The following SVIL variants were observed in gnomAD, a reference collection of about 807,000 sequenced individuals.
The protein encoded by SVIL is supervillin, also known as archvillin.
Under a neutral mutation model 240.4 loss-of-function variants are expected in SVIL, and 101 were observed. The observed-to-expected ratio is 0.42, with a 90% CI of 0.36 to 0.50. The LOEUF (loss-of-function observed/expected upper bound fraction) is 0.50. Ranked by LOEUF, SVIL falls within the 20% of genes least tolerant of loss-of-function variation. The pLI is 0.01. For missense variants in SVIL, 2,512 were observed against 2,818.7 expected (o/e 0.89, Z 2.46); for synonymous variants, 999 against 1,100.0 (o/e 0.91, Z 1.82).
At chr10:29,491,729 G>A (rs1947982433) in intron 21 of SVIL, among the ~76,000 whole-genome samples, 1 of 152,094 alleles carries the variant, frequency 6.6e-6, no homozygotes, top group African/African-American at 2.4e-5. Context: ...CCAGCTGCGC[G>A]GGCCTCTGTG....
chr10:29,719,013 CA>C (rs375517048), intron 1 of SVIL, among the ~76,000 whole-genome samples: 2 of 152,286 alleles, frequency 1.3e-5, no homozygotes, highest in East Asian at 3.9e-4. Context: ...GGGAGGCTGG[CA>C]GGAGAATTGC....
intron 3 of SVIL, among the ~76,000 whole-genome samples, chr10:29,653,773 C>G (rs141581745): frequency 6.1e-4 from 93 of 152,150 alleles, no homozygotes; most frequent in African/African-American, 2.1e-3. Flanking sequence ...TACAGTTTCC[C>G]CAGTACAATT....
At chr10:29,620,833 G>A (rs563136663) in intron 1 of SVIL, among the ~76,000 whole-genome samples, 92 of 152,228 alleles carry the variant, frequency 6.0e-4, no homozygotes, top group African/African-American at 2.1e-3. Context: ...TGGCCAGGCC[G>A]GTCTCAAACT....
intron 17 of SVIL, among the ~76,000 whole-genome samples, chr10:29,511,857 T>A (rs1589053904): frequency 6.6e-6 from 1 of 152,228 alleles, no homozygotes; most frequent in East Asian, 1.9e-4. Flanking sequence ...GTACGTTTCT[T>A]AATGCATGAA....
intron 1 of SVIL, among the ~76,000 whole-genome samples, chr10:29,721,788 C>A (rs765824305): frequency 5.9e-5 from 9 of 152,188 alleles, no homozygotes; most frequent in Non-Finnish European, 1.2e-4. Context: ...CTGGGGATCC[C>A]TGCTTTATAC....
chr10:29,531,362 T>C (rs993197915), intron 9 of SVIL, 74 bp from the exon 10 acceptor site: 15 of 1,362,412 alleles, frequency 1.1e-5, no homozygotes, highest in Non-Finnish European at 1.4e-5. Flanking sequence ...AACATCATAC[T>C]GAAAGTAAAA....
intron 1 of SVIL, among the ~76,000 whole-genome samples, chr10:29,612,357 T>C (rs1423729024): frequency 6.6e-6 from 1 of 152,248 alleles, no homozygotes; most frequent in African/African-American, 2.4e-5. Context: ...TCTTGTGTAT[T>C]GGTAGTGACA....
chr10:29,646,683 A>T (rs1958667657), intron 3 of SVIL, among the ~76,000 whole-genome samples: 1 of 152,194 alleles, frequency 6.6e-6, no homozygotes. Flanking sequence ...AAGAAGTATG[A>T]ATCATCATGA....
chr10:29,671,365 G>A (rs1048980283), intron 2 of SVIL, among the ~76,000 whole-genome samples: 4 of 152,132 alleles, frequency 2.6e-5, no homozygotes, highest in African/African-American at 9.7e-5. Context: ...TTTCCCAGGT[G>A]TTTTCCCACC....
Position 29,478,861 on chromosome 10 carries a change from G to C in SVIL, c.5377+1676C>G, listed in dbSNP as rs142498938. On this transcript the variant is annotated intron_variant, in intron 29 of 37. Transcript: ENST00000355867. Reference sequence around the variant, plus strand: ...GATGGCTTGAGCCTGGGAGGTCAAGGCTGCAGTGAGCCGAGATTCTGCCAT... The same window carrying C: ...GATGGCTTGAGCCTGGGAGGTCAAGCCTGCAGTGAGCCGAGATTCTGCCAT... Among the ~76,000 whole-genome samples the C allele has an allele frequency of 4.8e-3, 686 of 144,030 alleles. 5 individuals carry two copies. Among genetic ancestry groups the C allele is most frequent in the African/African-American group, 0.017 (645 of 38,828 alleles). 94.5% of individuals were successfully genotyped at this position (144,030 alleles called of 152,430 possible).
chr10:29,588,312 G>A (rs1230727406), intron 1 of SVIL, among the ~76,000 whole-genome samples: 4 of 149,766 alleles, frequency 2.7e-5, no homozygotes, highest in Middle Eastern at 3.4e-3. Context: ...CCGCTGAAAC[G>A]TGTGCTGGTG....
At position 29,550,444 on chromosome 10, in the gene SVIL, G is replaced by GAAA. The variant is rs55843963; in HGVS notation, c.827+150_827+152dup. Among the ~76,000 whole-genome samples the GAAA allele has an allele frequency of 6.6e-3, 879 of 132,966 alleles. 9 individuals are homozygous for GAAA. The highest frequency in any genetic ancestry group is 0.025 in the Middle Eastern group (6 of 240). The allele number at this position is 132,966 out of a possible 152,430, so 87.2% of individuals were successfully genotyped here. Reference sequence around the variant, plus strand: ...GCAACAGAGTGGGACCCTGTCTTCAGAAAAAAAAAAAAAAGAATCATATAC... The same window carrying GAAA: ...GCAACAGAGTGGGACCCTGTCTTCAGAAAAAAAAAAAAAAAAAGAATCATATAC... On this transcript the variant is annotated intron_variant, in intron 6 of 37. Coordinates refer to ENST00000355867, the MANE Select transcript of SVIL (RefSeq NM_021738.3).
chr10:29,696,945 C>T (rs1216055440), intron 1 of SVIL, among the ~76,000 whole-genome samples: 7 of 146,790 alleles, frequency 4.8e-5, no homozygotes, highest in South Asian at 2.2e-4. Flanking sequence ...CCCAGCCAGA[C>T]GCCCCGTCCG....
At chr10:29,461,306 G>C (rs1944233574) in intron 36 of SVIL, among the ~76,000 whole-genome samples, 1 of 152,118 alleles carries the variant, frequency 6.6e-6, no homozygotes, top group Non-Finnish European at 1.5e-5. Context: ...CAGTTGCAGT[G>C]AACAGAAACA....
chr10:29,517,605 C>T (rs969433871), intron 16 of SVIL, among the ~76,000 whole-genome samples: 1 of 152,078 alleles, frequency 6.6e-6, no homozygotes, highest in Admixed American at 6.6e-5. Flanking sequence ...GGTGGGATAC[C>T]GAAGGGTGGA....
chr10:29,554,151 A>C (rs1277886538), intron 5 of SVIL, among the ~76,000 whole-genome samples: 1 of 152,062 alleles, frequency 6.6e-6, no homozygotes. Flanking sequence ...TGTTTTTAGC[A>C]AATCTATTTA....
At chr10:29,705,431 T>C (rs561229469) in intron 1 of SVIL, among the ~76,000 whole-genome samples, 2 of 152,056 alleles carry the variant, frequency 1.3e-5, no homozygotes, top group African/African-American at 2.4e-5. Flanking sequence ...TCAGGGTCCA[T>C]ACAGAAAGGA....
At chr10:29,651,811 C>A (rs969266182) in intron 3 of SVIL, among the ~76,000 whole-genome samples, 1 of 152,118 alleles carries the variant, frequency 6.6e-6, no homozygotes, top group African/African-American at 2.4e-5. Flanking sequence ...ACTCTTGATT[C>A]TCAAAGCTGG....
chr10:29,725,336 G>A (rs1296722147), intron 1 of SVIL, among the ~76,000 whole-genome samples: 2 of 152,012 alleles, frequency 1.3e-5, no homozygotes, highest in African/African-American at 4.8e-5. Flanking sequence ...AGAGTGATAG[G>A]TTTCCTCCAA....
Sources: allele counts gnomAD v4.1 joint callset (sites outside exome capture counted in the v4.1 genomes callset), GRCh38; gene constraint gnomAD v4.1.1; transcripts MANE v1.5; gene names NCBI Gene and HGNC (gene_info 2026-07-23, HGNC 2026-07-21).